PARD3B: variants seen among roughly 807,000 people sequenced by gnomAD.
The protein encoded by PARD3B is partitioning defective 3 homolog B.
Under a neutral mutation model 130.2 loss-of-function variants are expected in PARD3B, and 103 were observed. That is an observed-to-expected ratio of 0.79 (90% CI 0.67 to 0.93). The LOEUF (loss-of-function observed/expected upper bound fraction) is 0.93, where lower values mean the gene tolerates loss of function less well. Among genes scored for constraint, PARD3B ranks in the 40% least tolerant of loss-of-function variants. PARD3B has a pLI of 0.00. For synonymous variants in PARD3B, 583 were observed against 553.2 expected (o/e 1.05, Z -0.76); for missense variants, 1,609 against 1,499.2 (o/e 1.07, Z -1.21).
chr2:205,041,101 T>A (rs1225283394), intron 3 of PARD3B, among the ~76,000 whole-genome samples: 1 of 152,206 alleles, frequency 6.6e-6, no homozygotes, highest in Non-Finnish European at 1.5e-5. Flanking sequence ...TTGCATGCGA[T>A]GCCATTAATA....
rs1374520367 is a variant in PARD3B at position 205,616,716 on chromosome 2, G to C, written c.*903G>C. 6.6e-6 allele frequency: 1 copy of C among 152,246 alleles called. No individual in the cohort carries two copies. Among genetic ancestry groups the C allele is most frequent in the Non-Finnish European group, 1.5e-5 (1 of 68,120 alleles). 9.4% of individuals were successfully genotyped at this position (152,246 alleles called of 1,614,324 possible). A position where few individuals can be genotyped will look rare whatever the true frequency, so the allele number is the denominator to read the frequency against. ...ACTGGGGTCTCTAAGGTTCCCACTT[G>C]AGGGCTAAAATGTAGTTGGGAAAGA... On this transcript the variant is annotated 3_prime_UTR_variant, in exon 23 of 23. Transcript: ENST00000406610.
At position 205,351,449 on chromosome 2, in the gene PARD3B, T is replaced by G. The variant is rs1215178580; in HGVS notation, c.2631-49564T>G. Among the ~76,000 whole-genome samples, 1 of 152,150 alleles carries G rather than the reference T, an allele frequency of 6.6e-6. No individual in the cohort carries two copies. Among genetic ancestry groups the G allele is most frequent in the African/African-American group, 2.4e-5 (1 of 41,430 alleles). On this transcript the variant is annotated intron_variant, in intron 18 of 22. Coordinates refer to ENST00000406610, the MANE Select transcript of PARD3B (RefSeq NM_001302769.2). The surrounding 1 kb of genome is among the most constrained non-coding windows in gnomAD (Gnocchi z 4.2). ...GAAAGGTTGCCCTCAAGCTAGGTGC[T>G]GGAGGGATTTTGCCAACTGCACCTG...
intron 22 of PARD3B, among the ~76,000 whole-genome samples, chr2:205,587,759 C>T (rs939241923): frequency 6.6e-6 from 1 of 152,156 alleles, no homozygotes; most frequent in African/African-American, 2.4e-5. Flanking sequence ...AATAGAATTG[C>T]TAGTCTTCAT....
chr2:204,585,767 C>G (rs956323072), intron 1 of PARD3B, among the ~76,000 whole-genome samples: 4 of 152,066 alleles, frequency 2.6e-5, no homozygotes, highest in African/African-American at 9.7e-5. Context: ...TCACCTCTCT[C>G]CCATTCAACA....
chr2:204,603,962 T>A (rs1282404749), intron 1 of PARD3B, among the ~76,000 whole-genome samples: 1 of 152,160 alleles, frequency 6.6e-6, no homozygotes, highest in Non-Finnish European at 1.5e-5. Context: ...TAATTTTGTT[T>A]TATCAGATTC....
intron 20 of PARD3B, among the ~76,000 whole-genome samples, chr2:205,467,166 C>A (rs996719914): frequency 2.6e-5 from 4 of 152,150 alleles, no homozygotes; most frequent in Admixed American, 6.5e-5. Context: ...AATTACGTGA[C>A]CTTTTTTTGA....
chr2:205,139,837 C>A (rs961110568), intron 10 of PARD3B, among the ~76,000 whole-genome samples: 1 of 152,100 alleles, frequency 6.6e-6, no homozygotes. Context: ...TGTGTCCTAA[C>A]TGGAAAGAAA....
intron 2 of PARD3B, among the ~76,000 whole-genome samples, chr2:204,764,634 G>A (rs184482511): frequency 5.5e-4 from 84 of 151,858 alleles, no homozygotes; most frequent in Non-Finnish European, 9.4e-4. Flanking sequence ...CCATGTAACT[G>A]GATGTTAGTA....
At chr2:205,422,478 C>T (rs1290835930) in intron 19 of PARD3B, among the ~76,000 whole-genome samples, 1 of 152,182 alleles carries the variant, frequency 6.6e-6, no homozygotes, top group Non-Finnish European at 1.5e-5. Context: ...TCTGGCCACA[C>T]CTTGCCTCCC....
At chr2:205,380,226 T>TAA (rs1266737749) in intron 18 of PARD3B, among the ~76,000 whole-genome samples, 3 of 36,700 alleles carry the variant, frequency 8.2e-5, no homozygotes, top group Non-Finnish European at 1.5e-4. Flanking sequence ...ATATTATATA[T>TAA]TATGTAAAGA....
chr2:204,908,827 T>G (rs2047128971), intron 2 of PARD3B, among the ~76,000 whole-genome samples: 1 of 152,202 alleles, frequency 6.6e-6, no homozygotes. Flanking sequence ...GATGTTTACT[T>G]TTTCTGTAGT....
rs2041631346 is a variant in PARD3B, at chr2:205,292,105, G to A, written c.2186-8425G>A. ...AGTGTCAAATTGCTTGGACACCCCA[G>A]GTAGAGCTCCAGTGGGACCCAGTGT... On this transcript the variant is annotated intron_variant, in intron 16 of 22. Coordinates refer to ENST00000406610, the MANE Select transcript of PARD3B (RefSeq NM_001302769.2). This position sits in a 1 kb window ranked among gnomAD's most constrained non-coding sequence, Gnocchi z 5.3. 6.6e-6 allele frequency among the ~76,000 whole-genome samples: 1 copy of A among 152,152 alleles called. No homozygotes were observed. The highest frequency in any genetic ancestry group is 1.5e-5 in the Non-Finnish European group (1 of 68,024).
At chr2:204,873,162 G>C (rs1238053804) in intron 2 of PARD3B, among the ~76,000 whole-genome samples, 3 of 152,212 alleles carry the variant, frequency 2.0e-5, no homozygotes, top group Non-Finnish European at 2.9e-5. Context: ...CTCTGCATAA[G>C]AAGGACAGAC....
At chr2:204,963,317 T>G (rs1443474204) in intron 2 of PARD3B, among the ~76,000 whole-genome samples, 2 of 152,146 alleles carry the variant, frequency 1.3e-5, no homozygotes, top group Non-Finnish European at 2.9e-5. Context: ...TTACGAGTTA[T>G]CACTTTTAAG....
chr2:205,101,266 A>T (rs1461381437), intron 4 of PARD3B, among the ~76,000 whole-genome samples: 1 of 152,202 alleles, frequency 6.6e-6, no homozygotes, highest in Non-Finnish European at 1.5e-5. Context: ...ATATCACTTT[A>T]TACCCATTAG....
At position 205,550,955 on chromosome 2, in the gene PARD3B, G is replaced by GTA. The variant is rs1553542806; in HGVS notation, c.3181-2348_3181-2347dup. Among the ~76,000 whole-genome samples, 62 of 94,456 alleles carry GTA rather than the reference G, an allele frequency of 6.6e-4. 1 individual carries two copies. Among genetic ancestry groups the GTA allele is most frequent in the African/African-American group, 2.3e-3 (60 of 26,404 alleles). The allele number at this position is 94,456 out of a possible 152,430, so 62.0% of individuals were successfully genotyped here. On this transcript the variant is annotated intron_variant, in intron 21 of 22. Transcript: ENST00000406610. This position sits in a 1 kb window ranked among gnomAD's most constrained non-coding sequence, Gnocchi z 4.5. The stretch of plus-strand genomic sequence containing the variant: ...TGTGTGTGTGTGTATATATATATGT[G>GTA]TATATATATATATATATATATACAC...
chr2:205,449,867 C>T (rs1333528966), intron 20 of PARD3B, among the ~76,000 whole-genome samples: 1 of 152,074 alleles, frequency 6.6e-6, no homozygotes, highest in African/African-American at 2.4e-5. Flanking sequence ...AGTCTGATAG[C>T]CAAAACTATC....
intron 4 of PARD3B, among the ~76,000 whole-genome samples, chr2:205,074,625 A>G (rs1233035203): frequency 6.6e-6 from 1 of 152,170 alleles, no homozygotes; most frequent in Non-Finnish European, 1.5e-5. Flanking sequence ...TGTATCAAAG[A>G]GGTTTATTAA....
intron 2 of PARD3B, among the ~76,000 whole-genome samples, chr2:204,836,326 A>G (rs1184337454): frequency 6.6e-6 from 1 of 152,226 alleles, no homozygotes. Flanking sequence ...ATAAATTCAT[A>G]AACATACAAA....
Sources: gnomAD v4.1 joint callset for allele counts (sites outside exome capture counted in the v4.1 genomes callset) on GRCh38, gnomAD v4.1.1 for gene constraint, Gnocchi (gnomAD v3.1) non-coding constraint, MANE v1.5 for transcripts, NCBI Gene and HGNC (gene_info 2026-07-23, HGNC 2026-07-21) for gene names.